The following EML4 variants were observed in gnomAD, a reference collection of about 807,000 sequenced individuals.
EML4 encodes echinoderm microtubule-associated protein-like 4.
A neutral mutation model predicts 129.0 loss-of-function variants in EML4; 72 were observed. That is an observed-to-expected ratio of 0.56 (90% confidence interval 0.46 to 0.68). EML4 has a LOEUF of 0.68. EML4 is among the 30% of genes least tolerant of loss of function. The pLI is 0.00. For missense variants in EML4, 1,363 were observed against 1,190.6 expected (o/e 1.14, Z -2.13); for synonymous variants, 532 against 405.0 (o/e 1.31, Z -3.77).
intron 8 of EML4, among the ~76,000 whole-genome samples, chr2:42,283,462 T>C (rs1203059040): frequency 1.3e-5 from 2 of 152,192 alleles, no homozygotes; most frequent in Admixed American, 6.5e-5. Flanking sequence ...TAAATGCTTT[T>C]AAATTATTTT....
At chr2:42,268,040 G>T (rs1167384301) in intron 6 of EML4, among the ~76,000 whole-genome samples, 1 of 152,162 alleles carries the variant, frequency 6.6e-6, no homozygotes, top group African/African-American at 2.4e-5. Context: ...GTGGAAAATA[G>T]ATAACAATTT....
chr2:42,197,280 C>T (rs564898302), intron 1 of EML4, among the ~76,000 whole-genome samples: 2 of 152,118 alleles, frequency 1.3e-5, no homozygotes, highest in Non-Finnish European at 2.9e-5. Flanking sequence ...CCAGGCTGGT[C>T]TCCAACTGTG....
chr2:42,212,180 G>A (rs888791357), intron 1 of EML4, among the ~76,000 whole-genome samples: 1 of 152,086 alleles, frequency 6.6e-6, no homozygotes, highest in African/African-American at 2.4e-5. Context: ...ATATGTAATG[G>A]CTTTCTTTAA....
intron 7 of EML4, among the ~76,000 whole-genome samples, chr2:42,282,508 C>G (rs1181269288): frequency 6.6e-6 from 1 of 152,086 alleles, no homozygotes; most frequent in African/African-American, 2.4e-5. Flanking sequence ...ATTCTCCCAC[C>G]TCAGACTCCC....
chr2:42,294,095 G>A (rs1667811384), intron 11 of EML4, among the ~76,000 whole-genome samples: 1 of 152,186 alleles, frequency 6.6e-6, no homozygotes, highest in Non-Finnish European at 1.5e-5. Context: ...TATCAATTTA[G>A]TGAGAATTAT....
At chr2:42,272,355 C>T (rs1048698791) in intron 6 of EML4, among the ~76,000 whole-genome samples, 14 of 152,144 alleles carry the variant, frequency 9.2e-5, no homozygotes, top group African/African-American at 2.9e-4. Context: ...TTTAATAATG[C>T]TTTTTAAACT....
At chr2:42,202,069 T>G (rs1385331818) in intron 1 of EML4, among the ~76,000 whole-genome samples, 1 of 145,374 alleles carries the variant, frequency 6.9e-6, no homozygotes, top group East Asian at 2.0e-4. Flanking sequence ...GGTGACAGAG[T>G]GAGACTCTGT....
In EML4 at chr2:42,184,391, C is replaced by G. The variant is rs376597099; in HGVS notation, c.25+14755C>G. 5.7e-4 allele frequency among the ~76,000 whole-genome samples: 66 copies of G among 114,870 alleles called. No individual in the cohort carries two copies. The East Asian group carries it at 0.018, about 32-fold the overall frequency. The allele number at this position is 114,870 out of a possible 152,430, so 75.4% of individuals were successfully genotyped here. ...TAATGCTATCCCTCCCCCCTCCCCCCACCCCACAACAGGCCCCGGTGCTAA... is the reference window on the plus strand; with the variant it reads ...TAATGCTATCCCTCCCCCCTCCCCCGACCCCACAACAGGCCCCGGTGCTAA... On this transcript the variant is annotated intron_variant, in intron 1 of 22. Transcript: ENST00000318522.
At chr2:42,274,799 A>C (rs1572670511) in intron 6 of EML4, among the ~76,000 whole-genome samples, 4 of 152,200 alleles carry the variant, frequency 2.6e-5, no homozygotes, top group Admixed American at 2.6e-4. Flanking sequence ...ATACAAAAGT[A>C]GAAGAGCAAA....
chr2:42,303,439 T>C lies in EML4; in HGVS notation c.1892T>C (p.Leu631Pro). 2 of 1,613,568 alleles carry C rather than the reference T, an allele frequency of 1.2e-6. No homozygotes were observed. The highest frequency in any genetic ancestry group is 8.5e-7 in the Non-Finnish European group (1 of 1,179,654). The change falls in exon 16 of 23, where the codon CTG becomes CCG. Residue 631 changes from leucine to proline, a missense_variant. By Grantham distance (98) the Leu-to-Pro change is moderately conservative. Coordinates refer to ENST00000318522, the MANE Select transcript of EML4 (RefSeq NM_019063.5). ...GAACACAGGCTGGAATGGACCAGGC[T>C]GGTAGATGTGAGTGAAGCAGGATGT... ...SMEHRLEWTR[L>P]VDEPGHCADF...
chr2:42,244,966 A>G (rs1325984247), intron 1 of EML4, among the ~76,000 whole-genome samples: 1 of 152,092 alleles, frequency 6.6e-6, no homozygotes, highest in Non-Finnish European at 1.5e-5. Context: ...GACAATTGTC[A>G]CCATTTTAAT....
intron 3 of EML4, 56 bp from the exon 4 acceptor site, chr2:42,261,065 G>T: frequency 2.2e-6 from 3 of 1,335,090 alleles, no homozygotes; most frequent in South Asian, 1.4e-5. Flanking sequence ...TCTATCGTTT[G>T]ATTTTTTTTC....
At chr2:42,185,151 G>A (rs989445717) in intron 1 of EML4, among the ~76,000 whole-genome samples, 1 of 152,114 alleles carries the variant, frequency 6.6e-6, no homozygotes, top group African/African-American at 2.4e-5. Flanking sequence ...GAGAGAGAAA[G>A]TAATTTGCTC....
intron 2 of EML4, among the ~76,000 whole-genome samples, chr2:42,248,025 T>C (rs1223789522): frequency 3.3e-5 from 5 of 152,162 alleles, no homozygotes; most frequent in African/African-American, 1.2e-4. Context: ...GGAGACACGG[T>C]CTTACTCTGT....
intron 1 of EML4, among the ~76,000 whole-genome samples, chr2:42,172,503 A>C (rs1670339971): frequency 6.6e-6 from 1 of 152,230 alleles, no homozygotes; most frequent in African/African-American, 2.4e-5. Flanking sequence ...TTTACATAAA[A>C]AACAAGTGAA....
intron 2 of EML4, among the ~76,000 whole-genome samples, chr2:42,247,405 G>A (rs1213328533): frequency 1.3e-5 from 2 of 152,100 alleles, no homozygotes; most frequent in Non-Finnish European, 2.9e-5. Flanking sequence ...CTATGGAGGC[G>A]GGATACTTAT....
At chr2:42,311,572 C>G (rs1668953288) in intron 17 of EML4, among the ~76,000 whole-genome samples, 1 of 152,132 alleles carries the variant, frequency 6.6e-6, no homozygotes, top group Admixed American at 6.5e-5. Flanking sequence ...TTTTTAAATG[C>G]ATGAGAGTGT....
chr2:42,236,293 T>G (rs1181266625), intron 1 of EML4, among the ~76,000 whole-genome samples: 1 of 152,254 alleles, frequency 6.6e-6, no homozygotes, highest in African/African-American at 2.4e-5. Context: ...TTCTGTTGGT[T>G]GTTAATATCA....
intron 1 of EML4, among the ~76,000 whole-genome samples, chr2:42,239,795 A>T (rs527778593): frequency 1.3e-5 from 2 of 152,236 alleles, no homozygotes; most frequent in South Asian, 2.1e-4. Flanking sequence ...AAGGAAAATG[A>T]TCTAATCTAC....
Sources: gnomAD v4.1 joint callset for allele counts (sites outside exome capture counted in the v4.1 genomes callset) on GRCh38, gnomAD v4.1.1 for gene constraint, MANE v1.5 for transcripts, NCBI Gene and HGNC (gene_info 2026-07-23, HGNC 2026-07-21) for gene names.